EIF2AK4: variants seen among roughly 807,000 people sequenced by gnomAD.
EIF2AK4 encodes eIF-2-alpha kinase GCN2.
A neutral mutation model predicts 211.1 loss-of-function variants in EIF2AK4; 139 were observed. The ratio of observed to expected loss-of-function variants is 0.66; its 90% CI spans 0.57 to 0.76. EIF2AK4 has a LOEUF of 0.76. EIF2AK4 is among the 30% of genes least tolerant of loss of function. EIF2AK4 has a pLI of 0.00. For missense variants in EIF2AK4, 1,664 were observed against 2,043.8 expected (o/e 0.81, Z 3.58); for synonymous variants, 710 against 751.3 (o/e 0.94, Z 0.90).
chr15:40,031,121 T>C lies in EIF2AK4; in HGVS notation c.4659+665T>C, dbSNP rs111481896. 4.1e-3 allele frequency among the ~76,000 whole-genome samples: 631 copies of C among 152,222 alleles called. 7 individuals carry two copies. The highest frequency in any genetic ancestry group is 0.015 in the African/African-American group (605 of 41,540). On this transcript the variant is annotated intron_variant, in intron 35 of 38. Transcript: ENST00000263791. ...CAAGCGTGGTGGCAAACGCCTGTAA[T>C]CCCAGCCACTCGGGAGGCTGAGACA...
At chr15:39,984,604 CTT>C (rs1304189825) in intron 13 of EIF2AK4, among the ~76,000 whole-genome samples, 1 of 152,184 alleles carries the variant, frequency 6.6e-6, no homozygotes, top group Non-Finnish European at 1.5e-5. Context: ...ATTTTATTCT[CTT>C]TACAGCAATT....
rs911498726 is a variant in EIF2AK4, at chr15:40,022,212, GTGTATGT to G, written c.4303-303_4303-297del. ...TGTGTGTGTGTGTGTGTGTGTGTGT[GTGTATGT>G]TGTGTTGTATAATTTTGGGCATCTT... is the stretch of plus-strand genomic sequence containing the variant. On this transcript the variant is annotated intron_variant, in intron 31 of 38. Coordinates refer to ENST00000263791, the MANE Select transcript of EIF2AK4 (RefSeq NM_001013703.4). 2.6e-4 allele frequency: 61 copies of G among 236,986 alleles called. 1 individual carries two copies. The highest frequency in any genetic ancestry group is 1.4e-3 in the African/African-American group (58 of 40,234). The allele number at this position is 236,986 out of a possible 1,614,324, so 14.7% of individuals were successfully genotyped here.
chr15:39,965,628 T>TA (rs1315411673), intron 7 of EIF2AK4, 58 bp from the exon 8 acceptor site: 5 of 1,590,788 alleles, frequency 3.1e-6, no homozygotes, highest in Admixed American at 3.5e-5. Flanking sequence ...CCTCCCTTCC[T>TA]TCCCCCAAGA....
intron 7 of EIF2AK4, among the ~76,000 whole-genome samples, chr15:39,963,330 A>G (rs1028297560): frequency 1.3e-5 from 2 of 152,206 alleles, no homozygotes; most frequent in African/African-American, 4.8e-5. Flanking sequence ...AAGAAGGCAA[A>G]TTAATTCAAT....
At chr15:40,008,610 C>T (rs1422679034) in intron 25 of EIF2AK4, among the ~76,000 whole-genome samples, 1 of 152,048 alleles carries the variant, frequency 6.6e-6, no homozygotes, top group East Asian at 1.9e-4. Context: ...GCTTCCCTCC[C>T]CACCCCACAC....
At chr15:40,032,721 T>C (rs1595441438) in intron 36 of EIF2AK4, 36 bp from the exon 37 acceptor site, 1 of 1,601,162 alleles carries the variant, frequency 6.2e-7, no homozygotes, top group Non-Finnish European at 8.5e-7. Context: ...AGTATTGTGC[T>C]GCTGAGAGTT....
intron 23 of EIF2AK4, 73 bp downstream of exon 23, chr15:40,003,387 A>ATTT (rs774103123): frequency 1.3e-6 from 2 of 1,575,848 alleles, no homozygotes; most frequent in Non-Finnish European, 1.7e-6. Flanking sequence ...CTGTTAAAGG[A>ATTT]TTTTTCCCCC....
At chr15:39,949,745 A>G (rs1389600968) in intron 4 of EIF2AK4, among the ~76,000 whole-genome samples, 1 of 152,204 alleles carries the variant, frequency 6.6e-6, no homozygotes, top group East Asian at 1.9e-4. Context: ...GAAAAAATAC[A>G]AAGATTAAAT....
intron 11 of EIF2AK4, 170 bp downstream of exon 11, chr15:39,973,919 C>T (rs930706095): frequency 1.6e-5 from 10 of 641,358 alleles, no homozygotes; most frequent in East Asian, 6.0e-5. Flanking sequence ...ATTTAAGTTA[C>T]GCTGGACACA....
chr15:39,955,340 A>G (rs1356122685), intron 5 of EIF2AK4, among the ~76,000 whole-genome samples: 2 of 152,196 alleles, frequency 1.3e-5, no homozygotes, highest in Non-Finnish European at 2.9e-5. Context: ...GTATATATTC[A>G]TGGAGTATAT....
intron 3 of EIF2AK4, chr15:39,946,526 G>A: frequency 1.4e-6 from 1 of 702,074 alleles, no homozygotes; most frequent in Non-Finnish European, 2.6e-6. Context: ...TGAAGATGCT[G>A]TGAACATTGT....
chr15:40,022,181 C>CGTGTGTGTGTGTGTGTGTGTGTGT (rs142104639), intron 31 of EIF2AK4: 2 of 137,728 alleles, frequency 1.5e-5, no homozygotes, highest in East Asian at 4.4e-4. Flanking sequence ...GCTTTTTCAG[C>CGTGTGTGTGTGTGTGTGTGTGTGT]GTGTGTGTGT....
chr15:39,946,915 A>C, intron 3 of EIF2AK4: 2 of 455,642 alleles, frequency 4.4e-6, no homozygotes, highest in Non-Finnish European at 7.8e-6. Flanking sequence ...ATTTCTACAG[A>C]CATAATGCTA....
At chr15:39,936,562 G>A (rs928580884) in intron 1 of EIF2AK4, among the ~76,000 whole-genome samples, 16 of 152,030 alleles carry the variant, frequency 1.1e-4, no homozygotes, top group African/African-American at 3.4e-4. Flanking sequence ...ACAGGTACCC[G>A]CCTCCACACC....
At chr15:39,937,156 G>C (rs753957525) in intron 1 of EIF2AK4, among the ~76,000 whole-genome samples, 2 of 152,082 alleles carry the variant, frequency 1.3e-5, no homozygotes, top group Non-Finnish European at 2.9e-5. Context: ...AGCAGCAAAA[G>C]GTCTGCTCAT....
chr15:39,943,042 T>C (rs539078486), intron 2 of EIF2AK4, among the ~76,000 whole-genome samples: 14 of 152,102 alleles, frequency 9.2e-5, no homozygotes, highest in Admixed American at 2.0e-4. Flanking sequence ...TTTTTTTTTT[T>C]TTAAGGTGAA....
intron 4 of EIF2AK4, among the ~76,000 whole-genome samples, chr15:39,952,761 A>G (rs1268474208): frequency 6.6e-6 from 1 of 151,948 alleles, no homozygotes; most frequent in East Asian, 1.9e-4. Context: ...GTCTTTTTGT[A>G]GGTGCCATTG....
At chr15:40,012,684 C>T (rs1202000878) in intron 27 of EIF2AK4, among the ~76,000 whole-genome samples, 21 of 150,870 alleles carry the variant, frequency 1.4e-4, no homozygotes, top group Non-Finnish European at 1.9e-4. Flanking sequence ...TTAAGAAAGT[C>T]TTATAAATAT....
chr15:40,010,586 A>G (rs2035221632), intron 26 of EIF2AK4, among the ~76,000 whole-genome samples: 1 of 151,304 alleles, frequency 6.6e-6, no homozygotes. Context: ...TGTTTTCATA[A>G]TGAATAAGAG....
Sources: allele counts gnomAD v4.1 joint callset (sites outside exome capture counted in the v4.1 genomes callset), GRCh38; gene constraint gnomAD v4.1.1; transcripts MANE v1.5; gene names NCBI Gene and HGNC (gene_info 2026-07-23, HGNC 2026-07-21).